SHISA6: variants seen among roughly 807,000 people sequenced by gnomAD.
The protein encoded by SHISA6 is shisa family member 6.
SHISA6 carries 22 observed loss-of-function variants against 47.9 expected under a neutral mutation model. The observed-to-expected ratio is 0.46, with a 90% confidence interval of 0.33 to 0.66. The LOEUF is 0.66. Ranked by LOEUF, SHISA6 falls within the 30% of genes least tolerant of loss-of-function variation. The pLI is 0.02. For missense variants in SHISA6, 680 were observed against 764.6 expected (o/e 0.89, Z 1.30); for synonymous variants, 388 against 337.8 (o/e 1.15, Z -1.63).
intron 3 of SHISA6, among the ~76,000 whole-genome samples, chr17:11,479,693 T>C (rs1916164770): frequency 6.6e-6 from 1 of 152,016 alleles, no homozygotes; most frequent in Admixed American, 6.6e-5. Context: ...TCATCCCTTG[T>C]AACATTGGCA....
At chr17:11,274,307 T>G (rs895421643) in intron 2 of SHISA6, among the ~76,000 whole-genome samples, 2 of 152,200 alleles carry the variant, frequency 1.3e-5, no homozygotes, top group Non-Finnish European at 2.9e-5. Context: ...ATGGCCGGGC[T>G]GTTCCCAAAA....
intron 2 of SHISA6, among the ~76,000 whole-genome samples, chr17:11,344,214 T>G (rs1479564169): frequency 1.3e-5 from 2 of 152,270 alleles, no homozygotes; most frequent in African/African-American, 4.8e-5. Context: ...TTATGTAATC[T>G]GGATACAAGT....
intron 3 of SHISA6, among the ~76,000 whole-genome samples, chr17:11,467,159 A>G (rs139602589): frequency 2.4e-4 from 37 of 152,320 alleles, no homozygotes; most frequent in African/African-American, 8.2e-4. Context: ...CTGTGGGTTC[A>G]AGGATCTATT....
rs57696970 is a variant in SHISA6, at chr17:11,319,074, G to GT, written c.799+55566dup. On this transcript the variant is annotated intron_variant, in intron 2 of 5. Transcript: ENST00000441885. Reference sequence around the variant, plus strand: ...TTCTAAGACCTGTATTTCTTCTTATGTTTTTTTTTTTTTTTTTTCCTTGAG... The same window carrying GT: ...TTCTAAGACCTGTATTTCTTCTTATGTTTTTTTTTTTTTTTTTTTCCTTGAG... Among the ~76,000 whole-genome samples the GT allele has an allele frequency of 1.3e-3, 178 of 134,106 alleles. 1 individual carries two copies. The highest frequency in any genetic ancestry group is 2.8e-3 in the East Asian group (13 of 4,598). The allele number at this position is 134,106 out of a possible 152,430, so 88.0% of individuals were successfully genotyped here. A position where few individuals can be genotyped will look rare whatever the true frequency, so the allele number is the denominator to read the frequency against.
chr17:11,425,311 G>T lies in SHISA6; in HGVS notation c.895+45802G>T, dbSNP rs958653147. 2.0e-5 allele frequency among the ~76,000 whole-genome samples: 3 copies of T among 151,760 alleles called. No homozygotes were observed. In the East Asian group the frequency reaches 5.9e-4, roughly 30 times the overall value. On this transcript the variant is annotated intron_variant, in intron 3 of 5. Coordinates refer to ENST00000441885, the MANE Select transcript of SHISA6 (RefSeq NM_207386.4). The stretch of plus-strand genomic sequence containing the variant: ...GCCCATTTCAATTTTAGTGGGAGGG[G>T]GTGACAAAGAGAACTGGATGGCCAA...
chr17:11,459,039 G>A (rs563160623), intron 3 of SHISA6, among the ~76,000 whole-genome samples: 51 of 142,794 alleles, frequency 3.6e-4, no homozygotes, highest in Admixed American at 2.0e-3. Context: ...GTGAAACCCC[G>A]TCTCTACTAA....
chr17:11,511,394 T>C (rs867054329), intron 3 of SHISA6, among the ~76,000 whole-genome samples: 1 of 152,110 alleles, frequency 6.6e-6, no homozygotes, highest in African/African-American at 2.4e-5. Flanking sequence ...ATGGCACATG[T>C]ATACCTGTGT....
chr17:11,541,582 GT>G (rs2142379237), intron 3 of SHISA6, among the ~76,000 whole-genome samples: 1 of 152,244 alleles, frequency 6.6e-6, no homozygotes, highest in Non-Finnish European at 1.5e-5. Context: ...TCTATGAGAT[GT>G]CTTTAATACC....
chr17:11,411,640 G>A (rs1198182512), intron 3 of SHISA6, among the ~76,000 whole-genome samples: 1 of 151,856 alleles, frequency 6.6e-6, no homozygotes, highest in Admixed American at 6.6e-5. Context: ...CAGATGATCC[G>A]CCCTCCTCGG....
At chr17:11,242,084 C>T (rs1907387132) in intron 1 of SHISA6, 24 bp downstream of exon 1, 5 of 1,548,254 alleles carry the variant, frequency 3.2e-6, no homozygotes, top group Non-Finnish European at 4.4e-6. Flanking sequence ...GTGCCGCGCG[C>T]CCCGGTCTCC....
chr17:11,341,117 C>T (rs1385258407), intron 2 of SHISA6, among the ~76,000 whole-genome samples: 1 of 152,180 alleles, frequency 6.6e-6, no homozygotes, highest in Non-Finnish European at 1.5e-5. Flanking sequence ...GAGATGCACC[C>T]ACTCTCATAT....
At chr17:11,258,364 A>C (rs1908094985) in intron 1 of SHISA6, among the ~76,000 whole-genome samples, 1 of 152,214 alleles carries the variant, frequency 6.6e-6, no homozygotes. Flanking sequence ...GCACCACTTC[A>C]GTGAGCAGCA....
At chr17:11,417,837 A>G (rs987629352) in intron 3 of SHISA6, among the ~76,000 whole-genome samples, 2 of 152,220 alleles carry the variant, frequency 1.3e-5, no homozygotes, top group Non-Finnish European at 2.9e-5. Flanking sequence ...TTGTTATCAG[A>G]TAAGAGATCT....
chr17:11,362,766 C>A (rs187007238), intron 2 of SHISA6, among the ~76,000 whole-genome samples: 126 of 152,252 alleles, frequency 8.3e-4, no homozygotes, highest in Admixed American at 9.8e-4. Context: ...GCGCCATATC[C>A]AAAGTGGTGA....
chr17:11,306,278 C>T (rs1480824501), intron 2 of SHISA6, among the ~76,000 whole-genome samples: 1 of 152,104 alleles, frequency 6.6e-6, no homozygotes, highest in Admixed American at 6.6e-5. Context: ...CTTCCCCCAC[C>T]ACAAGCCTTC....
chr17:11,528,714 C>T (rs2071707494), intron 3 of SHISA6, among the ~76,000 whole-genome samples: 1 of 152,156 alleles, frequency 6.6e-6, no homozygotes. Flanking sequence ...CATTCAGAAG[C>T]ACCCCAGATG....
intron 3 of SHISA6, among the ~76,000 whole-genome samples, chr17:11,490,693 G>T (rs1916453682): frequency 6.6e-6 from 1 of 152,232 alleles, no homozygotes; most frequent in Non-Finnish European, 1.5e-5. Context: ...GTGGTGGTCA[G>T]ACCTGAGCCA....
At chr17:11,302,028 A>C (rs1206924061) in intron 2 of SHISA6, among the ~76,000 whole-genome samples, 4 of 152,168 alleles carry the variant, frequency 2.6e-5, no homozygotes, top group African/African-American at 9.7e-5. Flanking sequence ...AACCCCTGAT[A>C]AACCCACCAG....
intron 3 of SHISA6, among the ~76,000 whole-genome samples, chr17:11,402,874 C>G (rs774262704): frequency 6.6e-6 from 1 of 152,204 alleles, no homozygotes; most frequent in Non-Finnish European, 1.5e-5. Context: ...GGTGTAGGTT[C>G]TCCCTTTGGG....
Sources: allele counts gnomAD v4.1 joint callset (sites outside exome capture counted in the v4.1 genomes callset), GRCh38; gene constraint gnomAD v4.1.1; transcripts MANE v1.5; gene names NCBI Gene and HGNC (gene_info 2026-07-23, HGNC 2026-07-21).